ARHGAP8: variants seen among roughly 807,000 people sequenced by gnomAD.
ARHGAP8 encodes the protein Rho GTPase activating protein 8, also known as rho GTPase-activating protein 8.
In ARHGAP8, 62 loss-of-function variants were observed where a neutral mutation model predicts 46.1. The ratio of observed to expected loss-of-function variants is 1.34; its 90% CI spans 1.10 to 1.66. The LOEUF (loss-of-function observed/expected upper bound fraction) is 1.66, where lower values mean the gene tolerates loss of function less well. Among genes scored for constraint, ARHGAP8 ranks in the 40% most tolerant of loss-of-function variants. The probability of loss-of-function intolerance (pLI) is 0.00; values close to 1 mark genes in which losing one functional copy is unlikely to be tolerated. For missense variants in ARHGAP8, 923 were observed against 568.4 expected, an observed-to-expected ratio of 1.62 and a Z score of -6.34; for synonymous variants, 375 against 243.1, an observed-to-expected ratio of 1.54 and a Z score of -5.05.
chr22:44,782,721 G>A (rs1277551010), intron 1 of ARHGAP8, among the ~76,000 whole-genome samples: 5 of 152,148 alleles, frequency 3.3e-5, no homozygotes, highest in Admixed American at 6.5e-5. Flanking sequence ...TGGACCGCAC[G>A]TGGCTTATCC....
chr22:44,838,054 G>C (rs1168810419), intron 7 of ARHGAP8, among the ~76,000 whole-genome samples: 1 of 152,040 alleles, frequency 6.6e-6, no homozygotes, highest in Non-Finnish European at 1.5e-5. Context: ...GCTCGCTGCA[G>C]CCTCCACCTC....
At chr22:44,821,198 A>T (rs79303608) in intron 5 of ARHGAP8, among the ~76,000 whole-genome samples, 6 of 151,750 alleles carry the variant, frequency 4.0e-5, no homozygotes, top group African/African-American at 1.4e-4. Context: ...TTGGGAGGCC[A>T]AGGCGGGCGG....
intron 11 of ARHGAP8, among the ~76,000 whole-genome samples, chr22:44,860,156 G>C (rs2070400449): frequency 6.7e-6 from 1 of 149,852 alleles, no homozygotes; most frequent in Non-Finnish European, 1.5e-5. Flanking sequence ...TCTCTAGGAG[G>C]TGGGAGCTGT....
chr22:44,793,152 C>A (rs1007207106), intron 2 of ARHGAP8, among the ~76,000 whole-genome samples: 3 of 152,120 alleles, frequency 2.0e-5, no homozygotes, highest in African/African-American at 7.2e-5. Flanking sequence ...AAGTTGACTT[C>A]AGTATCTTAA....
At position 44,854,729 on chromosome 22, in the gene ARHGAP8, C is replaced by G. The variant is rs529855828; in HGVS notation, c.878-5002C>G. ...TCTCAGCTCACTGCAACCTCTGGCT[C>G]CTGGGTTCAAGCAATTCTCCCACCT... On this transcript the variant is annotated intron_variant, in intron 10 of 11. Transcript: ENST00000356099. Among the ~76,000 whole-genome samples the G allele has an allele frequency of 1.8e-4, 28 of 152,272 alleles. No homozygotes were observed. In the South Asian group the frequency reaches 5.6e-3, roughly 30 times the overall value.
At chr22:44,836,256 G>A (rs966176501) in intron 7 of ARHGAP8, among the ~76,000 whole-genome samples, 1 of 151,680 alleles carries the variant, frequency 6.6e-6, no homozygotes, top group Non-Finnish European at 1.5e-5. Flanking sequence ...TTTTGAGACA[G>A]GGTCTCACTA....
chr22:44,847,319 C>T (rs2069982178), intron 8 of ARHGAP8, among the ~76,000 whole-genome samples: 1 of 152,214 alleles, frequency 6.6e-6, no homozygotes, highest in Non-Finnish European at 1.5e-5. Flanking sequence ...GACAAGTTTT[C>T]TTCTTTGATT....
intron 2 of ARHGAP8, among the ~76,000 whole-genome samples, chr22:44,799,971 A>G (rs1602192695): frequency 1.9e-5 from 2 of 103,142 alleles, no homozygotes; most frequent in East Asian, 5.4e-4. Context: ...TCTTCTGGCC[A>G]CTTGTGGGGT....
chr22:44,830,316 AC>A (rs1930854468), intron 7 of ARHGAP8, among the ~76,000 whole-genome samples: 1 of 149,510 alleles, frequency 6.7e-6, no homozygotes, highest in African/African-American at 2.5e-5. Flanking sequence ...GAGCCACTGC[AC>A]CCGGCTGTTA....
chr22:44,763,092 G>T (rs1237792927), intron 1 of ARHGAP8, among the ~76,000 whole-genome samples: 1 of 152,094 alleles, frequency 6.6e-6, no homozygotes, highest in Non-Finnish European at 1.5e-5. Flanking sequence ...AAACAACAAG[G>T]CTAAGAGTCT....
Position 44,862,371 on chromosome 22 carries a change from C to T in ARHGAP8, c.1078C>T (p.Leu360=), listed in dbSNP as rs779509588. The T allele has an allele frequency of 3.1e-5, 50 of 1,614,024 alleles. No homozygotes were observed. Among genetic ancestry groups the T allele is most frequent in the Non-Finnish European group, 3.9e-5 (46 of 1,180,000 alleles). Residue 360 remains leucine (L), a synonymous_variant, in exon 12 of 12, where the codon CTG becomes TTG. Coordinates refer to ENST00000356099, the MANE Select transcript of ARHGAP8 (RefSeq NM_181335.3). Reference sequence around the variant, plus strand: ...CTGGCCATCCCAGGGGGTCTCCTCCCTGAGTGCCCTTGTGCCCCTGAACAT... The same window carrying T: ...CTGGCCATCCCAGGGGGTCTCCTCCTTGAGTGCCCTTGTGCCCCTGAACAT... ...LIWPSQGVSS[L]SALVPLNMFT...
chr22:44,860,686 C>A (rs1356379035), intron 11 of ARHGAP8, among the ~76,000 whole-genome samples: 4 of 152,156 alleles, frequency 2.6e-5, no homozygotes, highest in Non-Finnish European at 5.9e-5. Flanking sequence ...CCCTTCAGTG[C>A]TCTGGGCCTG....
intron 1 of ARHGAP8, among the ~76,000 whole-genome samples, chr22:44,781,028 G>A (rs1478067414): frequency 2.6e-5 from 4 of 152,132 alleles, no homozygotes; most frequent in Admixed American, 6.5e-5. Context: ...ACAGACTCCC[G>A]TGCACGTGTG....
intron 7 of ARHGAP8, among the ~76,000 whole-genome samples, chr22:44,829,969 C>A (rs2063079883): frequency 6.6e-6 from 1 of 150,750 alleles, no homozygotes; most frequent in Non-Finnish European, 1.5e-5. Flanking sequence ...TGTCCTTAGG[C>A]TGGGTGGGGC....
chr22:44,775,605 G>A (rs1384697795), intron 1 of ARHGAP8, among the ~76,000 whole-genome samples: 2 of 151,980 alleles, frequency 1.3e-5, no homozygotes, highest in East Asian at 1.9e-4. Flanking sequence ...GTGCCACCAC[G>A]CCCGGCTAAT....
intron 2 of ARHGAP8, among the ~76,000 whole-genome samples, chr22:44,794,915 C>G (rs189244411): frequency 6.6e-6 from 1 of 151,346 alleles, no homozygotes; most frequent in South Asian, 2.1e-4. Context: ...TTAGCTCGAG[C>G]CTGTAATCCC....
At chr22:44,753,201 C>A (rs915427008) in intron 1 of ARHGAP8, among the ~76,000 whole-genome samples, 1 of 151,760 alleles carries the variant, frequency 6.6e-6, no homozygotes, top group African/African-American at 2.4e-5. Flanking sequence ...AGCGGTGGAA[C>A]CCCCCGGGAG....
At chr22:44,829,749 A>C (rs941700737) in intron 7 of ARHGAP8, among the ~76,000 whole-genome samples, 11 of 152,282 alleles carry the variant, frequency 7.2e-5, no homozygotes, top group Non-Finnish European at 1.3e-4. Context: ...ATTAAAATTC[A>C]TAACTGAATC....
Position 44,862,524 on chromosome 22 carries a change from A to C in ARHGAP8, c.1231A>C (p.Thr411Pro), listed in dbSNP as rs564457696. ...CCCTTTGCAGGAGGCTGTGCCACGG[A>C]CACAAGCCACGGGCCTCACCAAGCC... ...AAPLQEAVPR[T>P]QATGLTKPTL... is the part of the protein sequence containing the mutation. The change falls in exon 12 of 12, where the codon ACA (threonine) becomes CCA (proline). Residue 411 changes from threonine to proline, a missense_variant. Coordinates refer to ENST00000356099, the MANE Select transcript of ARHGAP8 (RefSeq NM_181335.3). 1.9e-6 allele frequency: 3 copies of C among 1,611,076 alleles called. No individual in the cohort carries two copies. The highest frequency in any genetic ancestry group is 1.1e-5 in the South Asian group (1 of 90,948).
Sources: allele counts gnomAD v4.1 joint callset (sites outside exome capture counted in the v4.1 genomes callset), GRCh38; gene constraint gnomAD v4.1.1; transcripts MANE v1.5; gene names NCBI Gene and HGNC (gene_info 2026-07-23, HGNC 2026-07-21).